The following PRRX1 variants were observed in gnomAD, a reference collection of about 807,000 sequenced individuals.
PRRX1 encodes paired related homeobox 1.
PRRX1 carries 8 observed loss-of-function variants against 24.0 expected under a neutral mutation model. The ratio of observed to expected loss-of-function variants is 0.33; its 90% CI spans 0.20 to 0.60. The LOEUF (loss-of-function observed/expected upper bound fraction) is 0.60. Ranked by LOEUF, PRRX1 falls within the 20% of genes least tolerant of loss-of-function variation. The probability of loss-of-function intolerance (pLI) is 0.82; values close to 1 mark genes in which losing one functional copy is unlikely to be tolerated. For missense variants in PRRX1, 281 were observed against 322.4 expected (o/e 0.87, Z 0.98); for synonymous variants, 160 against 131.7 (o/e 1.22, Z -1.47).
chr1:170,664,286 G>A lies in PRRX1; in HGVS notation c.68G>A (p.Gly23Asp). The A allele has an allele frequency of 6.2e-7, 1 of 1,613,306 alleles. No individual in the cohort carries two copies. Among genetic ancestry groups the A allele is most frequent in the Non-Finnish European group, 8.5e-7 (1 of 1,179,786 alleles). The stretch of plus-strand genomic sequence containing the variant: ...CTGGGCGGCCGCTTGGACAGCCCGG[G>A]CAACCTCGACACCCTGCAGGCGAAA... The part of the protein sequence containing the change: ...PALGGRLDSP[G>D]NLDTLQAKKN... The change falls in exon 1 of 4, where the codon GGC becomes GAC. Residue 23 changes from glycine to aspartate, a missense_variant. Gly to Asp is a moderately conservative substitution (Grantham distance 94). Coordinates refer to ENST00000239461, the MANE Select transcript of PRRX1 (RefSeq NM_022716.4).
rs1553255633 is a variant in PRRX1, at chr1:170,736,568, A to ATATC, written c.*383_*386dup. 1 of 213,158 alleles carries ATATC rather than the reference A, an allele frequency of 4.7e-6. No individual in the cohort carries two copies. The highest frequency in any genetic ancestry group is 9.4e-6 in the Non-Finnish European group (1 of 106,188). 13.2% of individuals were successfully genotyped at this position (213,158 alleles called of 1,614,324 possible). On this transcript the variant is annotated 3_prime_UTR_variant, in exon 4 of 4. Transcript: ENST00000239461. Reference sequence around the variant, plus strand: ...ACTATATATATATATATATATATATATATCCAGAATGATTGCCTCTACTGT... The same window carrying ATATC: ...ACTATATATATATATATATATATATATATCTATCCAGAATGATTGCCTCTACTGT...
intron 1 of PRRX1, among the ~76,000 whole-genome samples, chr1:170,691,589 G>T (rs1653982782): frequency 1.5e-5 from 2 of 132,582 alleles, no homozygotes; most frequent in South Asian, 4.8e-4. Context: ...ACCTTTTTTA[G>T]TTCTTTTTAA....
chr1:170,675,645 A>T (rs2101888045), intron 1 of PRRX1, among the ~76,000 whole-genome samples: 1 of 152,304 alleles, frequency 6.6e-6, no homozygotes, highest in Non-Finnish European at 1.5e-5. Flanking sequence ...GCATTTACCC[A>T]GACATGAGCA....
intron 3 of PRRX1, among the ~76,000 whole-genome samples, chr1:170,734,205 TA>T (rs1199524354): frequency 6.8e-6 from 1 of 147,756 alleles, no homozygotes; most frequent in Non-Finnish European, 1.5e-5. Flanking sequence ...TTCCTATGAA[TA>T]AAAGCATATT....
At position 170,685,581 on chromosome 1, in the gene PRRX1, G is replaced by T. The variant is rs550430761; in HGVS notation, c.241+21122G>T. On this transcript the variant is annotated intron_variant, in intron 1 of 3. Coordinates refer to ENST00000239461, the MANE Select transcript of PRRX1 (RefSeq NM_022716.4). ...GTCAGAAAATCTAGATTTCAATCCT[G>T]CCTCTATTTCTGCCACTCTTGGCTT... Among the ~76,000 whole-genome samples, 3 of 152,300 alleles carry T rather than the reference G, an allele frequency of 2.0e-5. No homozygotes were observed. In the South Asian group the frequency reaches 6.2e-4, roughly 32 times the overall value.
intron 1 of PRRX1, among the ~76,000 whole-genome samples, chr1:170,687,415 T>C (rs1653781450): frequency 6.6e-6 from 1 of 152,184 alleles, no homozygotes; most frequent in Non-Finnish European, 1.5e-5. Flanking sequence ...TTGTGAATTC[T>C]GTCTTTTCTT....
intron 1 of PRRX1, among the ~76,000 whole-genome samples, chr1:170,680,439 T>C (rs1016337825): frequency 5.9e-5 from 9 of 152,222 alleles, no homozygotes; most frequent in African/African-American, 2.2e-4. Flanking sequence ...TACAGTTCTC[T>C]AAGCCCATCT....
At chr1:170,734,288 G>C (rs1412410893) in intron 3 of PRRX1, among the ~76,000 whole-genome samples, 3 of 150,098 alleles carry the variant, frequency 2.0e-5, no homozygotes, top group African/African-American at 7.4e-5. Flanking sequence ...ATGACATCGA[G>C]CAGGAATCAA....
rs768981076 is a variant in PRRX1, at chr1:170,718,602, G to A, written c.242-1124G>A. 3.5e-4 allele frequency among the ~76,000 whole-genome samples: 53 copies of A among 152,056 alleles called. 1 individual carries two copies. Among genetic ancestry groups the A allele is most frequent in the Admixed American group, 3.2e-3 (49 of 15,270 alleles). ...CTCCAACACTTCATAATTTTCTTTG[G>A]GCTGAGCCTCTTTGGGGAAAAGCTA... is the stretch of plus-strand genomic sequence containing the variant. On this transcript the variant is annotated intron_variant, in intron 1 of 3. Transcript: ENST00000239461.
chr1:170,670,160 A>T (rs1653100103), intron 1 of PRRX1, among the ~76,000 whole-genome samples: 1 of 152,192 alleles, frequency 6.6e-6, no homozygotes, highest in African/African-American at 2.4e-5. Context: ...TTGTAATCTT[A>T]TTGGGAGCCC....
In PRRX1 at chr1:170,736,570, A is replaced by C. The variant is rs1012226964; in HGVS notation, c.*384A>C. The C allele has an allele frequency of 1.9e-3, 435 of 232,314 alleles. 1 individual carries two copies. The highest frequency in any genetic ancestry group is 9.7e-3 in the African/African-American group (404 of 41,658). The allele number at this position is 232,314 out of a possible 1,614,324, so 14.4% of individuals were successfully genotyped here. On this transcript the variant is annotated 3_prime_UTR_variant, in exon 4 of 4. Coordinates refer to ENST00000239461, the MANE Select transcript of PRRX1 (RefSeq NM_022716.4). ...TATATATATATATATATATATATAT[A>C]TCCAGAATGATTGCCTCTACTGTCC...
chr1:170,672,249 C>T (rs991868418), intron 1 of PRRX1, among the ~76,000 whole-genome samples: 4 of 152,248 alleles, frequency 2.6e-5, no homozygotes, highest in East Asian at 1.9e-4. Context: ...TAGGGATTTT[C>T]GACTTCTTAC....
At chr1:170,728,191 T>A (rs567602072) in intron 3 of PRRX1, 11 of 152,332 alleles carry the variant, frequency 7.2e-5, no homozygotes, top group African/African-American at 2.6e-4. Context: ...ACACACTGCA[T>A]GAATGGGGAT....
At chr1:170,731,631 T>C (rs1445078724) in intron 3 of PRRX1, among the ~76,000 whole-genome samples, 1 of 139,566 alleles carries the variant, frequency 7.2e-6, no homozygotes, top group Admixed American at 6.9e-5. Context: ...TTTTAACACA[T>C]TTTTTTTTCC....
chr1:170,695,846 C>T (rs1654149790), intron 1 of PRRX1, among the ~76,000 whole-genome samples: 2 of 4,086 alleles, frequency 4.9e-4, no homozygotes, highest in African/African-American at 0.011. Flanking sequence ...GCTTTTTTTC[C>T]CCCCCTCTCT....
chr1:170,728,745 G>A (rs6681601), intron 3 of PRRX1: 135 of 152,116 alleles, frequency 8.9e-4, no homozygotes, highest in African/African-American at 3.1e-3. Context: ...TTTATATTTT[G>A]GTTGATTTCT....
chr1:170,697,908 T>C (rs926606610), intron 1 of PRRX1, among the ~76,000 whole-genome samples: 2 of 150,344 alleles, frequency 1.3e-5, no homozygotes, highest in Admixed American at 6.7e-5. Flanking sequence ...ATCACTGTGT[T>C]CTTTTGTATT....
intron 2 of PRRX1, among the ~76,000 whole-genome samples, chr1:170,721,652 T>C (rs1655089391): frequency 6.6e-6 from 1 of 152,080 alleles, no homozygotes; most frequent in South Asian, 2.1e-4. Context: ...GAAGTGTGAG[T>C]GCAGGTGCCC....
At position 170,726,305 on chromosome 1, in the gene PRRX1, A is replaced by C. The variant is rs201661471; in HGVS notation, c.503A>C (p.Tyr168Ser). The change falls in exon 3 of 4, where the codon TAC becomes TCC. Residue 168 changes from tyrosine (Y) to serine (S), a missense_variant. Physicochemically the swap from Tyr to Ser is moderately radical, Grantham distance 144 (BLOSUM62 -2). Coordinates refer to ENST00000239461, the MANE Select transcript of PRRX1 (RefSeq NM_022716.4). Reference sequence around the variant, plus strand: ...AAAAACGCTTCCCTCCTCAAATCCTACTCAGGAGACGTGACTGCTGTGGAG... The same window carrying C: ...AAAAACGCTTCCCTCCTCAAATCCTCCTCAGGAGACGTGACTGCTGTGGAG... ...ANKNASLLKS[Y>S]SGDVTAVEQP... The C allele has an allele frequency of 2.5e-6, 4 of 1,613,740 alleles. No homozygotes were observed. The highest frequency in any genetic ancestry group is 3.4e-6 in the Non-Finnish European group (4 of 1,179,872).
Sources: allele counts gnomAD v4.1 joint callset (sites outside exome capture counted in the v4.1 genomes callset), GRCh38; gene constraint gnomAD v4.1.1; transcripts MANE v1.5; gene names NCBI Gene and HGNC (gene_info 2026-07-23, HGNC 2026-07-21).